Variants in LMO2 observed in about 807,000 individuals in gnomAD.
LMO2 encodes the protein rhombotin-2.
LMO2 carries 20 observed loss-of-function variants against 23.2 expected under a neutral mutation model. The observed-to-expected ratio is 0.86, with a 90% CI of 0.61 to 1.25. The LOEUF (loss-of-function observed/expected upper bound fraction) is 1.25, where lower values mean the gene tolerates loss of function less well. Ranked by LOEUF, LMO2 falls within the 50% of genes most tolerant of loss-of-function variation. LMO2 has a pLI of 0.00. For missense variants in LMO2, 270 were observed against 315.3 expected (o/e 0.86, Z 1.09); for synonymous variants, 123 against 130.2 (o/e 0.94, Z 0.38).
At chr11:33,866,170 A>G (rs558299055) in intron 4 of LMO2, among the ~76,000 whole-genome samples, 1 of 152,342 alleles carries the variant, frequency 6.6e-6, no homozygotes, top group African/African-American at 2.4e-5. Context: ...CTCAATGTCT[A>G]TAACACTCTG....
Position 33,869,375 on chromosome 11 carries a change from G to T in LMO2, c.219C>A (p.Ala73=). ...GTPPPSPMSS[A]IERKSLDPSE... Reference sequence around the variant, plus strand: ...AAGGGTCCAGGCTCTTCCTTTCGATGGCCGAGGACATTGGGGAGGGAGGCG... The same window carrying T: ...AAGGGTCCAGGCTCTTCCTTTCGATTGCCGAGGACATTGGGGAGGGAGGCG... Residue 73 remains alanine, a synonymous_variant, in exon 4 of 6, where the codon GCC becomes GCA. Coordinates refer to ENST00000257818, the MANE Select transcript of LMO2 (RefSeq NM_005574.4). 1 of 1,213,550 alleles carries T rather than the reference G, an allele frequency of 8.2e-7. No individual in the cohort carries two copies. Among genetic ancestry groups the T allele is most frequent in the South Asian group, 4.1e-5 (1 of 24,102 alleles). The allele number at this position is 1,213,550 out of a possible 1,614,324, so 75.2% of individuals were successfully genotyped here.
chr11:33,878,718 T>C (rs995734557), intron 2 of LMO2, among the ~76,000 whole-genome samples: 3 of 152,214 alleles, frequency 2.0e-5, no homozygotes, highest in African/African-American at 7.2e-5. Context: ...CTGAAGCTCA[T>C]GGTGGTGATC....
At chr11:33,862,548 A>G (rs1856621646) in intron 5 of LMO2, among the ~76,000 whole-genome samples, 1 of 152,202 alleles carries the variant, frequency 6.6e-6, no homozygotes, top group African/African-American at 2.4e-5. Context: ...TAAATGTCGG[A>G]AAAGAACTGT....
chr11:33,859,724 C>A (rs567178719), intron 5 of LMO2, 149 bp from the exon 6 acceptor site: 20 of 631,002 alleles, frequency 3.2e-5, no homozygotes, highest in Admixed American at 5.8e-5. Context: ...CCGGCTAGTG[C>A]AGTCTTCACC....
chr11:33,869,361 C>G lies in LMO2; in HGVS notation c.233G>C (p.Ser78Thr). The G allele has an allele frequency of 8.3e-7, 1 of 1,208,642 alleles. No individual in the cohort carries two copies. The highest frequency in any genetic ancestry group is 1.0e-6 in the Non-Finnish European group (1 of 964,574). 74.9% of individuals were successfully genotyped at this position (1,208,642 alleles called of 1,614,324 possible). A position where few individuals can be genotyped will look rare whatever the true frequency, so the allele number is the denominator to read the frequency against. ...SPMSSAIERK[S>T]LDPSEEPVDE... The stretch of plus-strand genomic sequence containing the variant: ...CCGCACTTACTCTGAAGGGTCCAGG[C>G]TCTTCCTTTCGATGGCCGAGGACAT... The change falls in exon 4 of 6, where the codon AGC (serine) becomes ACC (threonine). Residue 78 changes from serine (S) to threonine (T), a missense_variant. Physicochemically the swap from Ser to Thr is moderately conservative, Grantham distance 58. Around this residue, in one of 2 missense-constraint regions of LMO2, gnomAD observed 170 missense variants for 162.0 expected, o/e 1.05. Transcript: ENST00000257818.
At position 33,881,316 on chromosome 11, in the gene LMO2, TC is replaced by T. The variant is rs1241681506; in HGVS notation, c.-272+507del. 6.6e-6 allele frequency: 3 copies of T among 456,828 alleles called. No homozygotes were observed. In the Admixed American group the frequency reaches 7.0e-5, roughly 11 times the overall value. 28.3% of individuals were successfully genotyped at this position (456,828 alleles called of 1,614,324 possible). ...TATTAACAAATATTCCATTTGTATT[TC>T]CTGCGTGGCCCTCCATCTGGAAATA... On this transcript the variant is annotated intron_variant, in intron 2 of 5. Coordinates refer to ENST00000257818, the MANE Select transcript of LMO2 (RefSeq NM_005574.4).
At chr11:33,867,361 G>A (rs907874532) in intron 4 of LMO2, among the ~76,000 whole-genome samples, 3 of 152,120 alleles carry the variant, frequency 2.0e-5, no homozygotes, top group Admixed American at 6.5e-5. Context: ...AAAGAGTTAC[G>A]GTGATGGCCT....
intron 2 of LMO2, chr11:33,870,571 TAGAGC>T: frequency 1.0e-6 from 1 of 985,432 alleles, no homozygotes; most frequent in Non-Finnish European, 1.2e-6. Context: ...TGGGGACGCC[TAGAGC>T]AGAGCCAGGG....
In LMO2 at chr11:33,869,446, C is replaced by G. The variant is rs1173109300; in HGVS notation, c.148G>C (p.Gly50Arg). Reference protein sequence around the residue: ...APEGVRAPAAGQPRATKGAPP... With the variant: ...APEGVRAPAARQPRATKGAPP... Reference sequence around the variant, plus strand: ...GCTCCCTTTGTGGCGCGGGGCTGGCCGGCTGCCGGGGCTCGGACCCCCTCG... The same window carrying G: ...GCTCCCTTTGTGGCGCGGGGCTGGCGGGCTGCCGGGGCTCGGACCCCCTCG... The change falls in exon 4 of 6, where the codon GGC becomes CGC. Residue 50 changes from glycine to arginine, a missense_variant. Physicochemically the swap from Gly to Arg is moderately radical, Grantham distance 125 (BLOSUM62 -2). Around this residue, in one of 2 missense-constraint regions of LMO2, gnomAD observed 170 missense variants for 162.0 expected, o/e 1.05. Coordinates refer to ENST00000257818, the MANE Select transcript of LMO2 (RefSeq NM_005574.4). The G allele has an allele frequency of 1.7e-6, 2 of 1,197,398 alleles. No individual in the cohort carries two copies. Among genetic ancestry groups the G allele is most frequent in the South Asian group, 4.2e-5 (1 of 24,002 alleles). 74.2% of individuals were successfully genotyped at this position (1,197,398 alleles called of 1,614,324 possible). A position where few individuals can be genotyped will look rare whatever the true frequency, so the allele number is the denominator to read the frequency against.
chr11:33,880,582 A>G lies in LMO2; in HGVS notation c.-272+1242T>C, dbSNP rs1275615338. The G allele has an allele frequency of 6.5e-6, 1 of 152,840 alleles. No individual in the cohort carries two copies. The highest frequency in any genetic ancestry group is 1.5e-5 in the Non-Finnish European group (1 of 68,562). The allele number at this position is 152,840 out of a possible 1,614,324, so 9.5% of individuals were successfully genotyped here. ...GAAAACATTAAAAAGTTCTAGAGCT[A>G]TATAGTGGTGATGGTCACCCAACAA... is the stretch of plus-strand genomic sequence containing the variant. On this transcript the variant is annotated intron_variant, in intron 2 of 5. Coordinates refer to ENST00000257818, the MANE Select transcript of LMO2 (RefSeq NM_005574.4). This position sits in a 1 kb window ranked among gnomAD's most constrained non-coding sequence, Gnocchi z 4.3.
At chr11:33,870,837 G>T (rs980309143) in intron 2 of LMO2, among the ~76,000 whole-genome samples, 4 of 152,184 alleles carry the variant, frequency 2.6e-5, no homozygotes, top group African/African-American at 9.7e-5. Context: ...TTGATTTGGG[G>T]GTTCAGGCTT....
Position 33,858,894 on chromosome 11 carries a change from C to T in LMO2, c.*462G>A, listed in dbSNP as rs1301946214. Reference sequence around the variant, plus strand: ...CAAGAAAAAAAGAATGGCCACTCTCCTTTCTGTCCTTCCCTTGTGTGGAGG... The same window carrying T: ...CAAGAAAAAAAGAATGGCCACTCTCTTTTCTGTCCTTCCCTTGTGTGGAGG... On this transcript the variant is annotated 3_prime_UTR_variant, in exon 6 of 6. Transcript: ENST00000257818. The T allele has an allele frequency of 4.3e-6, 1 of 235,190 alleles. No homozygotes were observed. The highest frequency in any genetic ancestry group is 8.4e-6 in the Non-Finnish European group (1 of 119,064). The allele number at this position is 235,190 out of a possible 1,614,324, so 14.6% of individuals were successfully genotyped here.
intron 4 of LMO2, among the ~76,000 whole-genome samples, chr11:33,865,434 CA>C (rs1451582087): frequency 6.6e-5 from 10 of 152,232 alleles, no homozygotes; most frequent in African/African-American, 2.4e-4. Context: ...TCCATCAGGA[CA>C]TAATAGGAAT....
At chr11:33,862,247 C>G (rs1856608312) in intron 5 of LMO2, among the ~76,000 whole-genome samples, 1 of 152,166 alleles carries the variant, frequency 6.6e-6, no homozygotes, top group South Asian at 2.1e-4. Context: ...TGGCTCCAGG[C>G]AAGGCTGCGG....
intron 5 of LMO2, among the ~76,000 whole-genome samples, chr11:33,861,737 A>G (rs1856589477): frequency 6.6e-6 from 1 of 152,116 alleles, no homozygotes; most frequent in African/African-American, 2.4e-5. Flanking sequence ...GGAAGGAGGG[A>G]GCTTATTAAA....
intron 4 of LMO2, among the ~76,000 whole-genome samples, chr11:33,868,986 G>C (rs1272430691): frequency 6.6e-6 from 1 of 152,254 alleles, no homozygotes; most frequent in African/African-American, 2.4e-5. Flanking sequence ...GAAGAAGGGA[G>C]CAGAGTCAAG....
At chr11:33,874,823 G>A (rs999543028) in intron 2 of LMO2, among the ~76,000 whole-genome samples, 2 of 152,194 alleles carry the variant, frequency 1.3e-5, no homozygotes, top group Non-Finnish European at 2.9e-5. Flanking sequence ...CCACATCCCT[G>A]ATTTCATCTG....
chr11:33,869,437 G>C lies in LMO2; in HGVS notation c.157C>G (p.Arg53Gly), dbSNP rs1400209330. Residue 53 changes from arginine (R) to glycine (G), a missense_variant, in exon 4 of 6, where the codon CGC becomes GGC. By Grantham distance (125) the Arg-to-Gly change is moderately radical. Around this residue, in one of 2 missense-constraint regions of LMO2, gnomAD observed 170 missense variants for 162.0 expected, o/e 1.05. Transcript: ENST00000257818. ...GVRAPAAGQP[R>G]ATKGAPPPPG... ...GGCGGGGGCGCTCCCTTTGTGGCGCGGGGCTGGCCGGCTGCCGGGGCTCGG... is the reference window on the plus strand; with the variant it reads ...GGCGGGGGCGCTCCCTTTGTGGCGCCGGGCTGGCCGGCTGCCGGGGCTCGG... 1.7e-6 allele frequency: 2 copies of C among 1,195,454 alleles called. No individual in the cohort carries two copies. The highest frequency in any genetic ancestry group is 2.1e-6 in the Non-Finnish European group (2 of 958,920). The allele number at this position is 1,195,454 out of a possible 1,614,324, so 74.1% of individuals were successfully genotyped here. A position where few individuals can be genotyped will look rare whatever the true frequency, so the allele number is the denominator to read the frequency against.
At chr11:33,868,588 C>T (rs1439285227) in intron 4 of LMO2, among the ~76,000 whole-genome samples, 1 of 152,170 alleles carries the variant, frequency 6.6e-6, no homozygotes, top group Non-Finnish European at 1.5e-5. Flanking sequence ...ACAGATGCGG[C>T]CAATGCTCAT....
Sources: allele counts gnomAD v4.1 joint callset (sites outside exome capture counted in the v4.1 genomes callset), GRCh38; gene constraint gnomAD v4.1.1; regional missense constraint gnomAD v4.1.1; non-coding constraint Gnocchi (gnomAD v3.1); transcripts MANE v1.5; gene names NCBI Gene and HGNC (gene_info 2026-07-23, HGNC 2026-07-21).